ACP7: variants seen among roughly 807,000 people sequenced by gnomAD.
ACP7 encodes acid phosphatase type 7.
Under a neutral mutation model 60.6 loss-of-function variants are expected in ACP7, and 58 were observed. The observed-to-expected ratio is 0.96, with a 90% CI of 0.77 to 1.19. ACP7 has a LOEUF of 1.19. ACP7 is among the 50% of genes most tolerant of loss of function. ACP7 has a pLI of 0.00. For missense variants in ACP7, 574 were observed against 596.2 expected (o/e 0.96, Z 0.39); for synonymous variants, 237 against 232.6 (o/e 1.02, Z -0.17).
chr19:39,099,176 TG>T (rs2073310339), intron 4 of ACP7, 34 bp downstream of exon 4: 1 of 1,302,454 alleles, frequency 7.7e-7, no homozygotes, highest in Non-Finnish European at 9.8e-7. Context: ...GCAGGGACGG[TG>T]GGGGGCGCGC....
At chr19:39,102,767 C>CTTTCTCTCTCTCTCTT (rs754172891) in intron 11 of ACP7, among the ~76,000 whole-genome samples, 1 of 101,054 alleles carries the variant, frequency 9.9e-6, no homozygotes, top group African/African-American at 3.5e-5. Context: ...TTCTTTCTTT[C>CTTTCTCTCTCTCTCTT]TCTCTCTCTC....
intron 12 of ACP7, among the ~76,000 whole-genome samples, chr19:39,108,919 C>T (rs1312056411): frequency 6.6e-6 from 1 of 152,080 alleles, no homozygotes; most frequent in African/African-American, 2.4e-5. Context: ...CTCCCAGGTT[C>T]AAGCAATTCT....
intron 12 of ACP7, among the ~76,000 whole-genome samples, chr19:39,109,024 G>A (rs1254748038): frequency 6.6e-6 from 1 of 152,104 alleles, no homozygotes; most frequent in African/African-American, 2.4e-5. Context: ...GTTTCACCAT[G>A]TTAGCCAGGC....
At position 39,110,373 on chromosome 19, in the gene ACP7, G is replaced by T; in HGVS notation, c.*255G>T. 1.9e-6 allele frequency: 1 copy of T among 523,756 alleles called. No individual in the cohort carries two copies. The highest frequency in any genetic ancestry group is 3.4e-6 in the Non-Finnish European group (1 of 293,864). The allele number at this position is 523,756 out of a possible 1,614,324, so 32.4% of individuals were successfully genotyped here. Reference sequence around the variant, plus strand: ...CACACGGCAGGTTTCTGCTGGCAGGGCCCCACCCTCCTGCATAGCTCTGAT... The same window carrying T: ...CACACGGCAGGTTTCTGCTGGCAGGTCCCCACCCTCCTGCATAGCTCTGAT... On this transcript the variant is annotated 3_prime_UTR_variant, in exon 13 of 13. Transcript: ENST00000331256.
At position 39,099,390 on chromosome 19, in the gene ACP7, C is replaced by T. The variant is rs1002367091; in HGVS notation, c.505+248C>T. On this transcript the variant is annotated intron_variant, in intron 4 of 12. Coordinates refer to ENST00000331256, the MANE Select transcript of ACP7 (RefSeq NM_001004318.3). The stretch of plus-strand genomic sequence containing the variant: ...TCTTGCCAGGAGCAGGGGTTTTCCC[C>T]CGTATATTTTGATTAGAGAGAAAGC... Among the ~76,000 whole-genome samples the T allele has an allele frequency of 2.6e-5, 4 of 152,252 alleles. No homozygotes were observed. The East Asian group carries it at 7.7e-4, about 29-fold the overall frequency.
intron 5 of ACP7, 110 bp downstream of exon 5, chr19:39,100,460 A>G: frequency 6.2e-7 from 1 of 1,601,286 alleles, no homozygotes; most frequent in South Asian, 1.1e-5. Flanking sequence ...CAATTGTGGT[A>G]GCAAGAGGAG....
Position 39,110,353 on chromosome 19 carries a change from G to A in ACP7, c.*235G>A, listed in dbSNP as rs930987025. The A allele has an allele frequency of 3.7e-6, 2 of 546,678 alleles. No homozygotes were observed. The highest frequency in any genetic ancestry group is 1.9e-5 in the African/African-American group (1 of 52,762). The allele number at this position is 546,678 out of a possible 1,614,324, so 33.9% of individuals were successfully genotyped here. On this transcript the variant is annotated 3_prime_UTR_variant, in exon 13 of 13. Coordinates refer to ENST00000331256, the MANE Select transcript of ACP7 (RefSeq NM_001004318.3). ...GGTGTGCGGGCACAGAGTGACACACGGCAGGTTTCTGCTGGCAGGGCCCCA... is the reference window on the plus strand; with the variant it reads ...GGTGTGCGGGCACAGAGTGACACACAGCAGGTTTCTGCTGGCAGGGCCCCA...
At chr19:39,109,788 G>T (rs1422396347) in intron 12 of ACP7, among the ~76,000 whole-genome samples, 1 of 150,928 alleles carries the variant, frequency 6.6e-6, no homozygotes. Context: ...TCTAATAATA[G>T]CCTACACTTA....
chr19:39,104,741 C>T (rs944335992), intron 11 of ACP7, among the ~76,000 whole-genome samples: 13 of 151,890 alleles, frequency 8.6e-5, no homozygotes, highest in African/African-American at 2.2e-4. Flanking sequence ...AAAAATTAGC[C>T]GGGCATGGTG....
Position 39,085,365 on chromosome 19 carries a change from A to G in ACP7, c.96A>G (p.Pro32=). ...QGSLGAPSAA[P]EQVHLSYPGE... ...CCCTGGGGGCTCCCAGCGCTGCCCC[A>G]GAGCAAGTCCATCTGTCTTACCCAG... Residue 32 remains proline, a synonymous_variant, in exon 2 of 13, where the codon CCA becomes CCG. Transcript: ENST00000331256. 1 of 1,612,878 alleles carries G rather than the reference A, an allele frequency of 6.2e-7. No homozygotes were observed.
chr19:39,109,768 G>A (rs540230348), intron 12 of ACP7, among the ~76,000 whole-genome samples: 7 of 150,474 alleles, frequency 4.7e-5, no homozygotes, highest in Admixed American at 4.0e-4. Context: ...TCTGACTCCA[G>A]AGTTTGTGCT....
chr19:39,084,674 C>CG (rs1363609426), intron 1 of ACP7, among the ~76,000 whole-genome samples: 1 of 151,226 alleles, frequency 6.6e-6, no homozygotes, highest in African/African-American at 2.4e-5. Context: ...GGCGAGGTCC[C>CG]GGGGGCAGGC....
rs542370642 is a variant in ACP7, at chr19:39,096,163, C to T, written c.122-2295C>T. Among the ~76,000 whole-genome samples the T allele has an allele frequency of 3.9e-5, 6 of 152,346 alleles. No individual in the cohort carries two copies. The East Asian group carries it at 9.6e-4, about 24-fold the overall frequency. ...ATATCTGCAGCCAGTTTGAATTTCT[C>T]CTCAGAAAATGGGGTTTTATTTTCT... On this transcript the variant is annotated intron_variant, in intron 2 of 12. Coordinates refer to ENST00000331256, the MANE Select transcript of ACP7 (RefSeq NM_001004318.3).
intron 11 of ACP7, among the ~76,000 whole-genome samples, chr19:39,102,755 CTTTCTT>C (rs1371725234): frequency 6.2e-4 from 52 of 83,744 alleles, no homozygotes; most frequent in Admixed American, 1.3e-3. Flanking sequence ...TTCTTTCTTT[CTTTCTT>C]TCTTTCTCTC....
intron 2 of ACP7, among the ~76,000 whole-genome samples, chr19:39,089,698 G>A (rs559585710): frequency 3.3e-5 from 5 of 152,110 alleles, no homozygotes; most frequent in Non-Finnish European, 7.3e-5. Flanking sequence ...CATGCTCTTG[G>A]TATTGCCGAG....
intron 11 of ACP7, among the ~76,000 whole-genome samples, 188 bp from the exon 12 acceptor site, chr19:39,106,759 A>G (rs2073414755): frequency 6.6e-6 from 1 of 152,130 alleles, no homozygotes; most frequent in South Asian, 2.1e-4. Context: ...CCTGACCTCA[A>G]GTGATCCGCC....
chr19:39,093,139 C>G (rs1159009236), intron 2 of ACP7, among the ~76,000 whole-genome samples: 1,208 of 64,216 alleles, frequency 0.019, 70 homozygotes, highest in African/African-American at 0.1. Context: ...CTTCTTCCCT[C>G]ACTCCTTTCT....
chr19:39,090,118 T>C (rs1386407068), intron 2 of ACP7, among the ~76,000 whole-genome samples: 1 of 152,188 alleles, frequency 6.6e-6, no homozygotes, highest in Non-Finnish European at 1.5e-5. Context: ...GGTGATTTTC[T>C]AATTTTCTAA....
At chr19:39,107,182 C>T in intron 12 of ACP7, 98 bp downstream of exon 12, 1 of 1,286,424 alleles carries the variant, frequency 7.8e-7, no homozygotes, top group Non-Finnish European at 1.0e-6. Context: ...CGCAGTGGCT[C>T]ATGCCTGCAA....
Sources: allele counts gnomAD v4.1 joint callset (sites outside exome capture counted in the v4.1 genomes callset), GRCh38; gene constraint gnomAD v4.1.1; transcripts MANE v1.5; gene names NCBI Gene and HGNC (gene_info 2026-07-23, HGNC 2026-07-21).